Variants in GMCL1 observed in about 807,000 individuals in gnomAD.
The protein encoded by GMCL1 is germ cell-less protein-like 1.
In GMCL1, 54 loss-of-function variants were observed where a neutral mutation model predicts 75.5. The ratio of observed to expected loss-of-function variants is 0.71; its 90% confidence interval spans 0.57 to 0.90. The LOEUF (loss-of-function observed/expected upper bound fraction) is 0.90. GMCL1 is among the 40% of genes least tolerant of loss of function. The pLI is 0.00. For synonymous variants in GMCL1, 210 were observed against 209.6 expected, an observed-to-expected ratio of 1.00 and a Z score of -0.02; for missense variants, 537 against 622.7, an observed-to-expected ratio of 0.86 and a Z score of 1.47.
chr2:69,863,539 C>T (rs1200676678), intron 10 of GMCL1, among the ~76,000 whole-genome samples: 1 of 152,078 alleles, frequency 6.6e-6, no homozygotes, highest in Non-Finnish European at 1.5e-5. Flanking sequence ...TAAATATGTC[C>T]AGGGATATTT....
intron 11 of GMCL1, 146 bp from the exon 12 acceptor site, chr2:69,869,573 C>T: frequency 3.0e-6 from 2 of 677,936 alleles, no homozygotes; most frequent in Non-Finnish European, 4.9e-6. Flanking sequence ...GGTGGTAAGC[C>T]TTAAGAAAAA....
intron 1 of GMCL1, among the ~76,000 whole-genome samples, chr2:69,831,523 G>A (rs1187495525): frequency 1.3e-5 from 2 of 152,142 alleles, no homozygotes; most frequent in African/African-American, 4.8e-5. Context: ...CTCCCAAAGG[G>A]CTGAGATTAC....
In GMCL1 at chr2:69,844,174, G is replaced by T. The variant is rs1402508971; in HGVS notation, c.736G>T (p.Val246Phe). ...AAACAATTTGATGACTCACCAGAAT[G>T]TTGAACTTTTTAAAGAACTCAGGTA... Reference protein sequence around the residue: ...LLNNLMTHQNVELFKELSINV... With the variant: ...LLNNLMTHQNFELFKELSINV... Residue 246 changes from valine to phenylalanine, a missense_variant, in exon 6 of 14, where the codon GTT becomes TTT. Val to Phe is a conservative substitution (Grantham distance 50). Coordinates refer to ENST00000282570, the MANE Select transcript of GMCL1 (RefSeq NM_178439.5). The T allele has an allele frequency of 1.3e-6, 2 of 1,570,558 alleles. No homozygotes were observed. Among genetic ancestry groups the T allele is most frequent in the Non-Finnish European group, 1.7e-6 (2 of 1,157,496 alleles).
intron 8 of GMCL1, among the ~76,000 whole-genome samples, chr2:69,850,784 A>G (rs991688291): frequency 1.2e-4 from 18 of 152,206 alleles, no homozygotes; most frequent in African/African-American, 3.1e-4. Flanking sequence ...GATTGATTGC[A>G]AGCTACCAAC....
intron 8 of GMCL1, 58 bp downstream of exon 8, chr2:69,849,800 C>A: frequency 3.1e-6 from 3 of 952,806 alleles, no homozygotes; most frequent in Admixed American, 2.5e-5. Context: ...AAAATCAGGC[C>A]CCATGAGAAC....
rs1220927226 is a variant in GMCL1 at position 69,829,972 on chromosome 2, G to T, written c.80G>T (p.Gly27Val). The T allele has an allele frequency of 6.3e-7, 1 of 1,584,866 alleles. No homozygotes were observed. Among genetic ancestry groups the T allele is most frequent in the South Asian group, 1.1e-5 (1 of 87,362 alleles). Reference sequence around the variant, plus strand: ...CAGGCGCAGGGTGCCAGGGCGGGGGGCTCGGCCCGGAGGCCGGACACTGGA... The same window carrying T: ...CAGGCGCAGGGTGCCAGGGCGGGGGTCTCGGCCCGGAGGCCGGACACTGGA... Reference protein sequence around the residue: ...AQQAQGARAGGSARRPDTGDD... With the variant: ...AQQAQGARAGVSARRPDTGDD... The change falls in exon 1 of 14, where the codon GGC (glycine) becomes GTC (valine). Residue 27 changes from glycine (G) to valine (V), a missense_variant. By Grantham distance (109) the Gly-to-Val change is moderately radical (BLOSUM62 -3). Transcript: ENST00000282570.
chr2:69,864,997 T>C, intron 11 of GMCL1, 22 bp downstream of exon 11: 2 of 1,546,722 alleles, frequency 1.3e-6, no homozygotes, highest in Non-Finnish European at 8.9e-7. Flanking sequence ...TTGTGACTGT[T>C]AATATTCTTA....
At chr2:69,871,338 T>A (rs1312652676) in intron 12 of GMCL1, among the ~76,000 whole-genome samples, 1 of 152,116 alleles carries the variant, frequency 6.6e-6, no homozygotes, top group African/African-American at 2.4e-5. Context: ...GTACAGAGGA[T>A]ACACTGGTGG....
intron 11 of GMCL1, among the ~76,000 whole-genome samples, chr2:69,868,924 G>A (rs1280862326): frequency 6.7e-6 from 1 of 148,836 alleles, no homozygotes; most frequent in Non-Finnish European, 1.5e-5. Flanking sequence ...GACCAGCCTG[G>A]CCAACATAGT....
rs1227930771 is a variant in GMCL1 at position 69,837,304 on chromosome 2, C to G, written c.261-243C>G. Among the ~76,000 whole-genome samples, 5 of 152,140 alleles carry G rather than the reference C, an allele frequency of 3.3e-5. No homozygotes were observed. In the South Asian group the frequency reaches 6.2e-4, roughly 19 times the overall value. On this transcript the variant is annotated intron_variant, in intron 1 of 13. Coordinates refer to ENST00000282570, the MANE Select transcript of GMCL1 (RefSeq NM_178439.5). ...AAAAGTCTGCCTCCCATGCTGCCCCCCTTTCTCCACTATCTCTCCCGTGCA... is the reference window on the plus strand; with the variant it reads ...AAAAGTCTGCCTCCCATGCTGCCCCGCTTTCTCCACTATCTCTCCCGTGCA...
intron 1 of GMCL1, among the ~76,000 whole-genome samples, chr2:69,831,328 C>G (rs72895232): frequency 0.07 from 10,532 of 150,480 alleles, 957 homozygotes; most frequent in Admixed American, 0.22. Context: ...TTTATAAAAC[C>G]TTTTGTACCT....
chr2:69,863,741 G>A (rs1408401241), intron 10 of GMCL1, among the ~76,000 whole-genome samples: 1 of 152,188 alleles, frequency 6.6e-6, no homozygotes, highest in Admixed American at 6.5e-5. Context: ...AGCATGATCT[G>A]TGGGGACTGT....
At chr2:69,877,950 A>G (rs973290475) in intron 13 of GMCL1, among the ~76,000 whole-genome samples, 1 of 152,226 alleles carries the variant, frequency 6.6e-6, no homozygotes, top group African/African-American at 2.4e-5. Context: ...ACTAATGCAT[A>G]CTATTGCAGA....
Position 69,869,701 on chromosome 2 carries a change from C to A in GMCL1, c.1219-18C>A. ...AATATGATAAACTGAAATAAGTCTT[C>A]TCTCTTGTATTTTTTAGTACTGCTG... On this transcript the variant is annotated intron_variant, in intron 11 of 13. Coordinates refer to ENST00000282570, the MANE Select transcript of GMCL1 (RefSeq NM_178439.5). 1.2e-6 allele frequency: 2 copies of A among 1,608,728 alleles called. No individual in the cohort carries two copies. The highest frequency in any genetic ancestry group is 1.7e-6 in the Non-Finnish European group (2 of 1,177,222).
chr2:69,837,963 A>C (rs1472180246), intron 2 of GMCL1, among the ~76,000 whole-genome samples: 1 of 152,162 alleles, frequency 6.6e-6, no homozygotes, highest in Non-Finnish European at 1.5e-5. Context: ...TTGGGGAAAA[A>C]ATATTTAACA....
At chr2:69,857,084 G>A (rs1007060079) in intron 9 of GMCL1, among the ~76,000 whole-genome samples, 2 of 152,044 alleles carry the variant, frequency 1.3e-5, no homozygotes, top group African/African-American at 2.4e-5. Context: ...TAGTTTTCAG[G>A]CTATTATATA....
At chr2:69,878,638 A>G (rs890866175) in intron 13 of GMCL1, among the ~76,000 whole-genome samples, 1 of 152,220 alleles carries the variant, frequency 6.6e-6, no homozygotes, top group African/African-American at 2.4e-5. Context: ...AACTACCATT[A>G]TTGAGTACTT....
intron 13 of GMCL1, among the ~76,000 whole-genome samples, chr2:69,872,951 T>C (rs892972943): frequency 6.6e-6 from 1 of 152,232 alleles, no homozygotes; most frequent in Admixed American, 6.5e-5. Context: ...GTCCCCACCA[T>C]GTGCTTGGTT....
intron 7 of GMCL1, among the ~76,000 whole-genome samples, chr2:69,847,858 A>G (rs578105441): frequency 6.6e-6 from 1 of 152,250 alleles, no homozygotes; most frequent in African/African-American, 2.4e-5. Context: ...GTTTTTTCCC[A>G]GACTTTTCTT....
Sources: gnomAD v4.1 joint callset for allele counts (sites outside exome capture counted in the v4.1 genomes callset) on GRCh38, gnomAD v4.1.1 for gene constraint, MANE v1.5 for transcripts, NCBI Gene and HGNC (gene_info 2026-07-23, HGNC 2026-07-21) for gene names.